The following HCN1 variants were observed in gnomAD, a reference collection of about 807,000 sequenced individuals.
HCN1 encodes the protein hyperpolarization activated cyclic nucleotide gated potassium channel 1.
Under a neutral mutation model 78.9 loss-of-function variants are expected in HCN1, and 13 were observed. The ratio of observed to expected loss-of-function variants is 0.16; its 90% CI spans 0.11 to 0.26. The LOEUF (loss-of-function observed/expected upper bound fraction) is 0.26, where lower values mean the gene tolerates loss of function less well. Among genes scored for constraint, HCN1 ranks in the 10% least tolerant of loss-of-function variants. The pLI, the probability that HCN1 is intolerant of heterozygous loss-of-function variation, is 1.00. For missense variants in HCN1, 810 were observed against 1,154.3 expected, an observed-to-expected ratio of 0.70 and a Z score of 4.32; for synonymous variants, 552 against 455.5, an observed-to-expected ratio of 1.21 and a Z score of -2.70.
chr5:45,540,740 T>G (rs1743087361), intron 2 of HCN1, among the ~76,000 whole-genome samples: 1 of 152,192 alleles, frequency 6.6e-6, no homozygotes, highest in South Asian at 2.1e-4. Context: ...CTAATGGCAT[T>G]TTATTTACTT....
intron 5 of HCN1, among the ~76,000 whole-genome samples, chr5:45,307,596 C>T (rs569045715): frequency 2.6e-5 from 4 of 152,018 alleles, no homozygotes; most frequent in Admixed American, 1.3e-4. Flanking sequence ...ATCAGCAAAC[C>T]CAAATTCAGG....
At position 45,257,618 on chromosome 5, in the gene HCN1, G is replaced by A. The variant is rs535586255; in HGVS notation, c.*4303C>T. On this transcript the variant is annotated 3_prime_UTR_variant, in exon 8 of 8. Transcript: ENST00000303230. ...AATTGGAAGCAGGGTCAGCATTAGG[G>A]TGAGACAAGAGATGCAGGGTTGTGC... 2.0e-5 allele frequency: 3 copies of A among 152,244 alleles called. No individual in the cohort carries two copies. In the South Asian group the frequency reaches 6.2e-4, roughly 32 times the overall value. 9.4% of individuals were successfully genotyped at this position (152,244 alleles called of 1,614,324 possible).
chr5:45,543,637 C>T (rs1743148241), intron 2 of HCN1, among the ~76,000 whole-genome samples: 2 of 151,990 alleles, frequency 1.3e-5, no homozygotes, highest in Admixed American at 1.3e-4. Context: ...TTAAAATTTC[C>T]TAATCCTGGT....
In HCN1 at chr5:45,259,041, G is replaced by A. The variant is rs945007022; in HGVS notation, c.*2880C>T. On this transcript the variant is annotated 3_prime_UTR_variant, in exon 8 of 8. Transcript: ENST00000303230. ...AAAATAAGCTCATATTTTACTATAC[G>A]AAAAAGGTAAACAAAGAAGTGGTTG... 10 of 151,754 alleles carry A rather than the reference G, an allele frequency of 6.6e-5. No homozygotes were observed. The highest frequency in any genetic ancestry group is 1.9e-4 in the African/African-American group (8 of 41,378). The allele number at this position is 151,754 out of a possible 1,614,324, so 9.4% of individuals were successfully genotyped here.
At chr5:45,265,234 G>A (rs1744833893) in intron 7 of HCN1, among the ~76,000 whole-genome samples, 1 of 151,934 alleles carries the variant, frequency 6.6e-6, no homozygotes, top group African/African-American at 2.4e-5. Flanking sequence ...TGAAAGTGAA[G>A]CTGTATCAGA....
intron 4 of HCN1, among the ~76,000 whole-genome samples, chr5:45,391,924 A>G (rs1221093890): frequency 6.6e-6 from 1 of 152,150 alleles, no homozygotes; most frequent in Non-Finnish European, 1.5e-5. Context: ...AAAAGGCAGA[A>G]TCTATGTAAA....
At chr5:45,330,066 T>A (rs1746314453) in intron 5 of HCN1, among the ~76,000 whole-genome samples, 1 of 151,420 alleles carries the variant, frequency 6.6e-6, no homozygotes, top group Non-Finnish European at 1.5e-5. Flanking sequence ...TGTGTCCATG[T>A]GCCCCTTACA....
chr5:45,346,346 G>A (rs1746707591), intron 5 of HCN1, among the ~76,000 whole-genome samples: 1 of 152,126 alleles, frequency 6.6e-6, no homozygotes, highest in South Asian at 2.1e-4. Flanking sequence ...GAAAGGAGAG[G>A]GCAAAGAAGT....
intron 4 of HCN1, among the ~76,000 whole-genome samples, chr5:45,357,930 G>C (rs572865777): frequency 6.6e-6 from 1 of 151,896 alleles, no homozygotes; most frequent in Admixed American, 6.6e-5. Flanking sequence ...ATGATAAAAA[G>C]ATTCTGGCAC....
intron 5 of HCN1, among the ~76,000 whole-genome samples, chr5:45,340,389 T>A (rs1158816236): frequency 6.6e-6 from 1 of 152,220 alleles, no homozygotes; most frequent in Non-Finnish European, 1.5e-5. Context: ...AGTCTTTCAA[T>A]GAGATTTTAT....
chr5:45,684,017 T>C (rs1739755875), intron 1 of HCN1, among the ~76,000 whole-genome samples: 1 of 152,200 alleles, frequency 6.6e-6, no homozygotes, highest in Middle Eastern at 3.2e-3. Flanking sequence ...CAAAAGTCTC[T>C]ATCTTTGAAT....
chr5:45,617,453 G>A (rs925861448), intron 2 of HCN1: 3 of 152,212 alleles, frequency 2.0e-5, no homozygotes, highest in South Asian at 2.1e-4. Flanking sequence ...TTAAGTCAGA[G>A]AATGGAAAGG....
At chr5:45,516,033 C>T (rs964619499) in intron 2 of HCN1, among the ~76,000 whole-genome samples, 5 of 151,946 alleles carry the variant, frequency 3.3e-5, no homozygotes, top group Middle Eastern at 3.2e-3. Flanking sequence ...CCTCAAACAG[C>T]TATTTTTAAT....
chr5:45,311,048 C>G (rs1030619058), intron 5 of HCN1, among the ~76,000 whole-genome samples: 7 of 152,044 alleles, frequency 4.6e-5, no homozygotes, highest in Admixed American at 2.0e-4. Context: ...AGAAAAGTAG[C>G]TAATGGATAC....
At chr5:45,597,908 T>TA (rs1323264376) in intron 2 of HCN1, among the ~76,000 whole-genome samples, 2 of 151,928 alleles carry the variant, frequency 1.3e-5, no homozygotes, top group African/African-American at 4.8e-5. Flanking sequence ...CTCAACAAAA[T>TA]AAAAGAGGAC....
chr5:45,287,749 G>C (rs1745296644), intron 6 of HCN1, among the ~76,000 whole-genome samples: 1 of 152,004 alleles, frequency 6.6e-6, no homozygotes, highest in Non-Finnish European at 1.5e-5. Flanking sequence ...CATTGCTATA[G>C]GATTAAGACT....
At chr5:45,381,778 A>G (rs908112377) in intron 4 of HCN1, among the ~76,000 whole-genome samples, 2 of 151,978 alleles carry the variant, frequency 1.3e-5, no homozygotes, top group African/African-American at 4.8e-5. Context: ...TCTCTTATCC[A>G]ATTCCCCTGC....
At chr5:45,622,834 T>C (rs888890037) in intron 2 of HCN1, among the ~76,000 whole-genome samples, 1 of 152,194 alleles carries the variant, frequency 6.6e-6, no homozygotes, top group South Asian at 2.1e-4. Context: ...AATTAATACC[T>C]ATTATGCTTT....
rs1404690853 is a variant in HCN1 at position 45,262,533 on chromosome 5, G to A, written c.2061C>T (p.Thr687=). The change falls in exon 8 of 8, where the codon ACC becomes ACT. Residue 687 remains threonine, a synonymous_variant. Coordinates refer to ENST00000303230, the MANE Select transcript of HCN1 (RefSeq NM_021072.4). ...GTGACAGGATGGCTGATGGCTGGGG[G>A]GTCTGTGTGCTGGGACTGGGGGAGT... ...NLHSPSPSTQ[T]PQPSAILSPC... 6.2e-7 allele frequency: 1 copy of A among 1,613,802 alleles called. No homozygotes were observed. The highest frequency in any genetic ancestry group is 8.5e-7 in the Non-Finnish European group (1 of 1,179,980).
Sources: gnomAD v4.1 joint callset for allele counts (sites outside exome capture counted in the v4.1 genomes callset) on GRCh38, gnomAD v4.1.1 for gene constraint, MANE v1.5 for transcripts, NCBI Gene and HGNC (gene_info 2026-07-23, HGNC 2026-07-21) for gene names.